Variants in CDH13 observed in about 807,000 individuals in gnomAD.
The protein encoded by CDH13 is cadherin 13.
Under a neutral mutation model 63.8 loss-of-function variants are expected in CDH13, and 24 were observed. The ratio of observed to expected loss-of-function variants is 0.38; its 90% CI spans 0.27 to 0.53. The LOEUF is 0.53. Ranked by LOEUF, CDH13 falls within the 20% of genes least tolerant of loss-of-function variation. CDH13 has a pLI of 0.85. For missense variants in CDH13, 1,049 were observed against 903.1 expected (o/e 1.16, Z -2.07); for synonymous variants, 503 against 355.3 (o/e 1.42, Z -4.67).
chr16:82,669,900 C>T (rs1913036933), intron 1 of CDH13, among the ~76,000 whole-genome samples: 1 of 152,218 alleles, frequency 6.6e-6, no homozygotes, highest in Admixed American at 6.5e-5. Flanking sequence ...CTCCTGGCCC[C>T]ATTGGCAGAG....
chr16:83,241,144 G>C (rs1904404757), intron 5 of CDH13, among the ~76,000 whole-genome samples: 1 of 152,122 alleles, frequency 6.6e-6, no homozygotes, highest in African/African-American at 2.4e-5. Context: ...CATCTATGTA[G>C]TCTCATATGA....
intron 3 of CDH13, among the ~76,000 whole-genome samples, chr16:83,053,064 A>G (rs1186289433): frequency 2.0e-5 from 3 of 152,164 alleles, no homozygotes; most frequent in Non-Finnish European, 4.4e-5. Flanking sequence ...GGGAATAAAA[A>G]TAGTACGAAT....
At chr16:82,697,544 T>G (rs1305854341) in intron 1 of CDH13, among the ~76,000 whole-genome samples, 1 of 145,698 alleles carries the variant, frequency 6.9e-6, no homozygotes, top group Admixed American at 7.1e-5. Flanking sequence ...TTCTTCTGCC[T>G]CAGCCTCCTG....
intron 7 of CDH13, among the ~76,000 whole-genome samples, chr16:83,523,631 T>G (rs72791467): frequency 2.0e-5 from 3 of 152,182 alleles, no homozygotes; most frequent in African/African-American, 7.2e-5. Context: ...CTCCCTTGCT[T>G]CATGGTAGAC....
At chr16:83,158,616 G>A (rs970921548) in intron 4 of CDH13, among the ~76,000 whole-genome samples, 4 of 152,222 alleles carry the variant, frequency 2.6e-5, no homozygotes, top group Admixed American at 1.3e-4. Flanking sequence ...CTGCTCCAGC[G>A]TTGGGGTCAT....
At chr16:82,703,216 CA>C (rs2031196431) in intron 1 of CDH13, among the ~76,000 whole-genome samples, 1 of 152,082 alleles carries the variant, frequency 6.6e-6, no homozygotes, top group South Asian at 2.1e-4. Context: ...TACACACACA[CA>C]CACACACACA....
chr16:83,679,702 G>A (rs1383679015), intron 10 of CDH13, among the ~76,000 whole-genome samples: 1 of 152,188 alleles, frequency 6.6e-6, no homozygotes, highest in African/African-American at 2.4e-5. Context: ...TAAGTACTTA[G>A]ATGGGAAAAC....
At chr16:83,228,885 A>C (rs568063928) in intron 5 of CDH13, among the ~76,000 whole-genome samples, 1 of 152,312 alleles carries the variant, frequency 6.6e-6, no homozygotes, top group South Asian at 2.1e-4. Flanking sequence ...GCAGGGGATG[A>C]ATGGGAGACA....
At chr16:82,747,061 G>C (rs1339155633) in intron 1 of CDH13, among the ~76,000 whole-genome samples, 4 of 152,170 alleles carry the variant, frequency 2.6e-5, no homozygotes, top group Non-Finnish European at 5.9e-5. Context: ...CAATGTGATT[G>C]ATACAAACAA....
rs191181176 is a variant in CDH13 at position 82,915,984 on chromosome 16, G to A, written c.157+57511G>A. On this transcript the variant is annotated intron_variant, in intron 2 of 13. Transcript: ENST00000567109. ...TAAAGGAGGTGTTCAAAGCATGTCT[G>A]AGCAGAGACTTTTGGGCTCTGTTTT... Among the ~76,000 whole-genome samples the A allele has an allele frequency of 2.3e-4, 35 of 152,004 alleles. No individual in the cohort carries two copies. The East Asian group carries it at 6.0e-3, about 26-fold the overall frequency.
chr16:83,471,111 C>T (rs2073441359), intron 6 of CDH13, among the ~76,000 whole-genome samples: 1 of 152,066 alleles, frequency 6.6e-6, no homozygotes, highest in African/African-American at 2.4e-5. Context: ...CTTACAAGGA[C>T]CTTGTTGGGC....
At chr16:83,156,247 C>A (rs1035689123) in intron 4 of CDH13, among the ~76,000 whole-genome samples, 1 of 152,202 alleles carries the variant, frequency 6.6e-6, no homozygotes, top group Non-Finnish European at 1.5e-5. Context: ...GACATGGCAA[C>A]CTCTTTTCAT....
chr16:83,160,101 G>A (rs556349547), intron 4 of CDH13, among the ~76,000 whole-genome samples: 3 of 151,990 alleles, frequency 2.0e-5, no homozygotes, highest in Admixed American at 6.6e-5. Context: ...AAAAAAAATT[G>A]TTACATAATG....
chr16:83,672,884 A>T (rs148955521), intron 9 of CDH13, among the ~76,000 whole-genome samples: 1 of 152,336 alleles, frequency 6.6e-6, no homozygotes, highest in African/African-American at 2.4e-5. Flanking sequence ...TAGACTCAGG[A>T]CTAGCCACGG....
At chr16:83,351,338 C>A (rs2090947839) in intron 6 of CDH13, among the ~76,000 whole-genome samples, 1 of 123,828 alleles carries the variant, frequency 8.1e-6, no homozygotes, top group African/African-American at 3.2e-5. Context: ...TAAAGCAATT[C>A]TGTTCTTTTC....
chr16:82,862,407 T>A (rs532873011), intron 2 of CDH13, among the ~76,000 whole-genome samples: 10 of 152,148 alleles, frequency 6.6e-5, no homozygotes, highest in Non-Finnish European at 1.5e-4. Context: ...TCAGACAGAT[T>A]TTTTCCAGCA....
At chr16:83,115,427 A>T (rs1467351932) in intron 3 of CDH13, among the ~76,000 whole-genome samples, 1 of 152,248 alleles carries the variant, frequency 6.6e-6, no homozygotes, top group Non-Finnish European at 1.5e-5. Flanking sequence ...TCTTAGGGTT[A>T]TAAAGGTTAG....
At chr16:83,594,705 C>T (rs181848571) in intron 7 of CDH13, among the ~76,000 whole-genome samples, 1 of 152,306 alleles carries the variant, frequency 6.6e-6, no homozygotes, top group Non-Finnish European at 1.5e-5. Context: ...CCTTTTTCCA[C>T]ATCACATCTA....
In CDH13 at chr16:83,688,296, T is replaced by C. The variant is rs147228824; in HGVS notation, c.1538+9835T>C. On this transcript the variant is annotated intron_variant, in intron 10 of 13. Transcript: ENST00000567109. ...AGAAAAAGGCAAAAATCAGCTCTCT[T>C]GAAAATGCAAATTTTGTCATCACTG... Among the ~76,000 whole-genome samples, 403 of 152,326 alleles carry C rather than the reference T, an allele frequency of 2.6e-3. 3 individuals carry two copies. The highest frequency in any genetic ancestry group is 8.7e-3 in the African/African-American group (363 of 41,578).
Sources: gnomAD v4.1 joint callset for allele counts (sites outside exome capture counted in the v4.1 genomes callset) on GRCh38, gnomAD v4.1.1 for gene constraint, MANE v1.5 for transcripts, NCBI Gene and HGNC (gene_info 2026-07-23, HGNC 2026-07-21) for gene names.